Variants in GALK2 observed in about 807,000 individuals in gnomAD.
The protein encoded by GALK2 is galactokinase 2.
Under a neutral mutation model 52.4 loss-of-function variants are expected in GALK2, and 36 were observed. The observed-to-expected ratio is 0.69, with a 90% CI of 0.53 to 0.91. GALK2 has a LOEUF of 0.91. Among genes scored for constraint, GALK2 ranks in the 40% least tolerant of loss-of-function variants. The pLI, the probability that GALK2 is intolerant of heterozygous loss-of-function variation, is 0.00. For missense variants in GALK2, 579 were observed against 559.1 expected (o/e 1.04, Z -0.36); for synonymous variants, 176 against 199.1 (o/e 0.88, Z 0.98).
chr15:49,363,707 C>G (rs1567156541), intron 3 of GALK2, among the ~76,000 whole-genome samples: 1 of 151,866 alleles, frequency 6.6e-6, no homozygotes, highest in Non-Finnish European at 1.5e-5. Flanking sequence ...GTTCTGGTTT[C>G]CAAGGTGAAT....
At chr15:49,342,656 G>T (rs1436276546) in intron 3 of GALK2, among the ~76,000 whole-genome samples, 1 of 152,164 alleles carries the variant, frequency 6.6e-6, no homozygotes, top group African/African-American at 2.4e-5. Flanking sequence ...TGTTTCTGTG[G>T]TAGAAGGTAT....
intron 3 of GALK2, among the ~76,000 whole-genome samples, chr15:49,234,302 G>T (rs1034832131): frequency 6.6e-6 from 1 of 152,116 alleles, no homozygotes; most frequent in Non-Finnish European, 1.5e-5. Flanking sequence ...ATGGATGTAT[G>T]CTTAGTATAT....
At chr15:49,172,641 G>A (rs1005119090) in intron 1 of GALK2, among the ~76,000 whole-genome samples, 2 of 152,088 alleles carry the variant, frequency 1.3e-5, no homozygotes, top group African/African-American at 2.4e-5. Flanking sequence ...TTTGAGTAAA[G>A]GCACTGGTCA....
chr15:49,178,276 A>G (rs2141206879), intron 1 of GALK2: 1 of 142,782 alleles, frequency 7.0e-6, no homozygotes, highest in East Asian at 2.1e-4. Context: ...AAATATATGT[A>G]CATGTATATC....
chr15:49,279,652 G>A (rs190023065), intron 5 of GALK2, among the ~76,000 whole-genome samples: 35 of 152,312 alleles, frequency 2.3e-4, no homozygotes, highest in African/African-American at 8.4e-4. Flanking sequence ...ACCACATACT[G>A]TGACTCAGTA....
intron 7 of GALK2, among the ~76,000 whole-genome samples, chr15:49,285,795 G>A (rs748467293): frequency 6.6e-6 from 1 of 151,962 alleles, no homozygotes; most frequent in Non-Finnish European, 1.5e-5. Context: ...ACAGCATGAC[G>A]GCTTAGAAAT....
At chr15:49,170,224 C>T (rs1209258576), upstream of GALK2, 1 of 1,530,440 alleles carries the variant, frequency 6.5e-7, no homozygotes, top group African/African-American at 1.4e-5. Context: ...CTGTTTATCT[C>T]CCGGAAGAAA....
chr15:49,205,907 T>G (rs1281229237), intron 2 of GALK2, among the ~76,000 whole-genome samples: 1 of 152,224 alleles, frequency 6.6e-6, no homozygotes, highest in African/African-American at 2.4e-5. Flanking sequence ...TTGATTTTTG[T>G]GTAAGGTGAG....
chr15:49,216,664 G>C (rs1034980233), intron 2 of GALK2, among the ~76,000 whole-genome samples: 1 of 152,224 alleles, frequency 6.6e-6, no homozygotes, highest in Non-Finnish European at 1.5e-5. Context: ...AGGTGAGGTT[G>C]GTTGGGACTC....
intron 8 of GALK2, among the ~76,000 whole-genome samples, chr15:49,301,786 A>T (rs1036098737): frequency 6.6e-6 from 1 of 152,176 alleles, no homozygotes; most frequent in Admixed American, 6.5e-5. Flanking sequence ...CCACATGCTG[A>T]CAAAGTGCTG....
intron 9 of GALK2, among the ~76,000 whole-genome samples, chr15:49,326,621 A>G (rs1307171073): frequency 6.6e-6 from 1 of 152,198 alleles, no homozygotes; most frequent in Admixed American, 6.5e-5. Flanking sequence ...GAATAATCCA[A>G]GGATCCCAAG....
At chr15:49,268,710 CCTT>C (rs940570460) in intron 5 of GALK2, among the ~76,000 whole-genome samples, 3 of 152,148 alleles carry the variant, frequency 2.0e-5, no homozygotes, top group Admixed American at 6.5e-5. Context: ...CTTTTTCTCC[CCTT>C]CTTCTACTGT....
intron 3 of GALK2, among the ~76,000 whole-genome samples, chr15:49,360,093 GT>G (rs1326303902): frequency 8.8e-6 from 1 of 113,604 alleles, no homozygotes; most frequent in African/African-American, 3.4e-5. Flanking sequence ...CTGTTGTGGG[GT>G]GGGGGGAGGG....
At chr15:49,159,311 C>T (rs1248027840) in intron 1 of GALK2, among the ~76,000 whole-genome samples, 2 of 152,170 alleles carry the variant, frequency 1.3e-5, no homozygotes, top group East Asian at 1.9e-4. Context: ...CGCGCTGGCT[C>T]ACGCCTGTAA....
intron 3 of GALK2, among the ~76,000 whole-genome samples, chr15:49,232,093 G>A (rs1197936866): frequency 1.3e-5 from 2 of 152,218 alleles, no homozygotes; most frequent in Non-Finnish European, 2.9e-5. Context: ...CTCCATGACG[G>A]CTCTGCTCCT....
In GALK2 at chr15:49,367,679, A is replaced by G. The variant is rs2045426751; in HGVS notation, c.*143A>G. ...TCTAAAAAACTGTGAATAAAATATA[A>G]CTTCATATTTAGCATAAAGTTACCA... On this transcript the variant is annotated 3_prime_UTR_variant, in exon 4 of 4. Transcript: ENST00000558399. 2 of 1,345,884 alleles carry G rather than the reference A, an allele frequency of 1.5e-6. 1 individual carries two copies. Among genetic ancestry groups the G allele is most frequent in the African/African-American group, 3.1e-5 (2 of 65,064 alleles). 83.4% of individuals were successfully genotyped at this position (1,345,884 alleles called of 1,614,324 possible).
In GALK2 at chr15:49,307,867, AT is replaced by A. The variant is rs558638431; in HGVS notation, c.968-11729del. On this transcript the variant is annotated intron_variant, in intron 8 of 9. Transcript: ENST00000560031. ...TTAGTGTGTTTTATGTTGAAAGTGC[AT>A]TTTTTTTCATCAGCGAGTTTGCTTT... Among the ~76,000 whole-genome samples the A allele has an allele frequency of 1.9e-4, 29 of 152,056 alleles. No individual in the cohort carries two copies. In the South Asian group the frequency reaches 4.6e-3, roughly 24 times the overall value.
At chr15:49,364,991 C>A in intron 3 of GALK2, 1 of 421,256 alleles carries the variant, frequency 2.4e-6, no homozygotes, top group African/African-American at 2.0e-5. Flanking sequence ...ACTGTCAGTA[C>A]CAGCTCATAA....
chr15:49,286,637 G>C (rs927324436), intron 7 of GALK2, among the ~76,000 whole-genome samples: 23 of 152,166 alleles, frequency 1.5e-4, no homozygotes, highest in Non-Finnish European at 2.2e-4. Context: ...TAATGTAATA[G>C]AAGTGCTTTA....
Sources: allele counts gnomAD v4.1 joint callset (sites outside exome capture counted in the v4.1 genomes callset), GRCh38; gene constraint gnomAD v4.1.1; transcripts MANE v1.5; gene names NCBI Gene and HGNC (gene_info 2026-07-23, HGNC 2026-07-21).